Variants in PPFIBP1 observed in about 807,000 individuals in gnomAD.
PPFIBP1 encodes the protein liprin-beta-1.
In PPFIBP1, 112 loss-of-function variants were observed where a neutral mutation model predicts 137.8. That is an observed-to-expected ratio of 0.81 (90% CI 0.70 to 0.95). The LOEUF is 0.95. Ranked by LOEUF, PPFIBP1 falls within the 40% of genes least tolerant of loss-of-function variation. PPFIBP1 has a pLI of 0.00. For missense variants in PPFIBP1, 1,083 were observed against 1,196.6 expected (o/e 0.91, Z 1.40); for synonymous variants, 378 against 417.3 (o/e 0.91, Z 1.15).
rs60834907 is a variant in PPFIBP1, at chr12:27,678,856, CAAA to C, written c.1616-610_1616-608del. Among the ~76,000 whole-genome samples, 387 of 98,898 alleles carry C rather than the reference CAAA, an allele frequency of 3.9e-3. 2 individuals are homozygous for C. The highest frequency in any genetic ancestry group is 0.015 in the African/African-American group (363 of 23,600). The allele number at this position is 98,898 out of a possible 152,430, so 64.9% of individuals were successfully genotyped here. On this transcript the variant is annotated intron_variant, in intron 19 of 29. Coordinates refer to ENST00000228425, the MANE Select transcript of PPFIBP1 (RefSeq NM_003622.4). Reference sequence around the variant, plus strand: ...TGGGAAACAGAGTGAGACTCTGTCTCAAAAAAAAAAAAAAAAAAAAAAAAACAT... The same window carrying C: ...TGGGAAACAGAGTGAGACTCTGTCTCAAAAAAAAAAAAAAAAAAAAAACAT...
intron 2 of PPFIBP1, among the ~76,000 whole-genome samples, chr12:27,595,852 T>TCAACAA (rs1235600375): frequency 1.2e-4 from 15 of 126,620 alleles, no homozygotes; most frequent in East Asian, 2.7e-4. Context: ...GACACTCTGA[T>TCAACAA]CAACAACAAC....
chr12:27,655,724 C>T (rs1056247353), intron 8 of PPFIBP1, among the ~76,000 whole-genome samples: 4 of 152,188 alleles, frequency 2.6e-5, no homozygotes, highest in African/African-American at 7.2e-5. Flanking sequence ...CTGCTCCTAC[C>T]AGAAGTCAAA....
At chr12:27,539,892 C>T (rs760459762) in intron 1 of PPFIBP1, among the ~76,000 whole-genome samples, 1 of 151,990 alleles carries the variant, frequency 6.6e-6, no homozygotes, top group Non-Finnish European at 1.5e-5. Context: ...ATGAAATATT[C>T]TGCGTATGTA....
chr12:27,678,378 C>A lies in PPFIBP1; in HGVS notation c.1616-1111C>A, dbSNP rs181312684. Among the ~76,000 whole-genome samples, 417 of 152,276 alleles carry A rather than the reference C, an allele frequency of 2.7e-3. 4 individuals are homozygous for A. The highest frequency in any genetic ancestry group is 9.7e-3 in the African/African-American group (402 of 41,568). On this transcript the variant is annotated intron_variant, in intron 19 of 29. Coordinates refer to ENST00000228425, the MANE Select transcript of PPFIBP1 (RefSeq NM_003622.4). ...AAAGAAAAATTAGGCATATCCAGTT[C>A]ATTCTTCTCTCAGTGCCTAGGATTT...
intron 2 of PPFIBP1, among the ~76,000 whole-genome samples, chr12:27,607,812 C>T (rs548185349): frequency 6.6e-6 from 1 of 152,038 alleles, no homozygotes; most frequent in South Asian, 2.1e-4. Context: ...GCTTTTTTTT[C>T]CTTCTATGAC....
chr12:27,663,870 G>T, intron 11 of PPFIBP1, among the ~76,000 whole-genome samples: 1 of 151,890 alleles, frequency 6.6e-6, no homozygotes, highest in Non-Finnish European at 1.5e-5. Context: ...AGGATGAAAA[G>T]TGTTCATTGT....
intron 2 of PPFIBP1, among the ~76,000 whole-genome samples, chr12:27,632,999 G>A (rs918025834): frequency 6.6e-6 from 1 of 152,096 alleles, no homozygotes; most frequent in Non-Finnish European, 1.5e-5. Context: ...AGATTGGGTG[G>A]GGCTGGTAAA....
At chr12:27,545,797 G>T (rs751222245) in intron 1 of PPFIBP1, among the ~76,000 whole-genome samples, 5 of 152,238 alleles carry the variant, frequency 3.3e-5, no homozygotes, top group Non-Finnish European at 5.9e-5. Flanking sequence ...GGAACGGTTA[G>T]TGTGTCTAAG....
At chr12:27,581,076 G>A (rs922094242) in intron 2 of PPFIBP1, among the ~76,000 whole-genome samples, 7 of 151,966 alleles carry the variant, frequency 4.6e-5, no homozygotes, top group African/African-American at 1.7e-4. Flanking sequence ...TAAATTTTTT[G>A]TGGAGACAGA....
intron 4 of PPFIBP1, among the ~76,000 whole-genome samples, chr12:27,644,939 C>A (rs2139416840): frequency 6.6e-6 from 1 of 151,350 alleles, no homozygotes; most frequent in East Asian, 1.9e-4. Context: ...CCCTTCCCAG[C>A]ACATGACTTT....
rs193291582 is a variant in PPFIBP1, at chr12:27,571,483, T to C, written c.-123-6669T>C. Among the ~76,000 whole-genome samples, 256 of 152,232 alleles carry C rather than the reference T, an allele frequency of 1.7e-3. 2 individuals carry two copies. The South Asian group carries it at 0.031, about 19-fold the overall frequency. On this transcript the variant is annotated intron_variant, in intron 1 of 29. Coordinates refer to ENST00000228425, the MANE Select transcript of PPFIBP1 (RefSeq NM_003622.4). ...ATGAACCCACCAATCCATTTTTTTT[T>C]CCCTCAAACACACATGATGCAGAGA...
chr12:27,584,953 T>C (rs561794340), intron 2 of PPFIBP1, among the ~76,000 whole-genome samples: 1 of 152,316 alleles, frequency 6.6e-6, no homozygotes, highest in South Asian at 2.1e-4. Flanking sequence ...CTGTAGGGCA[T>C]CTTAGGAATC....
intron 6 of PPFIBP1, among the ~76,000 whole-genome samples, chr12:27,648,959 A>G (rs1173908339): frequency 1.3e-5 from 2 of 152,214 alleles, no homozygotes; most frequent in East Asian, 3.8e-4. Flanking sequence ...ACTATAGCCA[A>G]TAATAATTTA....
intron 5 of PPFIBP1, among the ~76,000 whole-genome samples, chr12:27,647,151 G>A (rs1419274181): frequency 2.6e-5 from 4 of 152,114 alleles, no homozygotes; most frequent in Non-Finnish European, 5.9e-5. Context: ...ACAGGCACAT[G>A]CCCCCACAGC....
At chr12:27,628,339 G>A (rs1009085690) in intron 2 of PPFIBP1, among the ~76,000 whole-genome samples, 6 of 152,214 alleles carry the variant, frequency 3.9e-5, no homozygotes, top group African/African-American at 1.2e-4. Context: ...ACCACACCCA[G>A]CATATTTTGT....
chr12:27,538,732 A>G (rs1945327732), intron 1 of PPFIBP1, among the ~76,000 whole-genome samples: 1 of 152,230 alleles, frequency 6.6e-6, no homozygotes, highest in African/African-American at 2.4e-5. Flanking sequence ...CCCCAGCTAG[A>G]AAATGCAGTA....
At chr12:27,529,391 C>G (rs529755782) in intron 1 of PPFIBP1, among the ~76,000 whole-genome samples, 5 of 152,164 alleles carry the variant, frequency 3.3e-5, no homozygotes, top group Non-Finnish European at 7.4e-5. Flanking sequence ...AGTGGCAAGT[C>G]TATTCCTAAA....
chr12:27,530,621 C>T (rs1266253937), intron 1 of PPFIBP1, among the ~76,000 whole-genome samples: 2 of 152,200 alleles, frequency 1.3e-5, no homozygotes, highest in Non-Finnish European at 2.9e-5. Context: ...ATTCCCCCCT[C>T]CTTTTCTGTA....
Position 27,676,481 on chromosome 12 carries a change from A to G in PPFIBP1, c.1464A>G (p.Pro488=), listed in dbSNP as rs759740423. ...RPFGTLPPRP[P]GQDTSMDDNP... ...TTGGGACCCTTCCTCCCAGGCCCCC[A>G]GGGCAGGACACCTCCATGGATGACA... The change falls in exon 18 of 30, where the codon CCA becomes CCG. Residue 488 remains proline (P), a synonymous_variant. Transcript: ENST00000228425. The G allele has an allele frequency of 6.3e-7, 1 of 1,595,374 alleles. No homozygotes were observed. Among genetic ancestry groups the G allele is most frequent in the Admixed American group, 1.8e-5 (1 of 56,796 alleles).
Sources: allele counts gnomAD v4.1 joint callset (sites outside exome capture counted in the v4.1 genomes callset), GRCh38; gene constraint gnomAD v4.1.1; transcripts MANE v1.5; gene names NCBI Gene and HGNC (gene_info 2026-07-23, HGNC 2026-07-21).